SLC12A1: variants seen among roughly 807,000 people sequenced by gnomAD.
SLC12A1 encodes the protein solute carrier family 12 member 1, also known as Na-K-2Cl cotransporter.
Under a neutral mutation model 130.4 loss-of-function variants are expected in SLC12A1, and 89 were observed. The ratio of observed to expected loss-of-function variants is 0.68; its 90% CI spans 0.58 to 0.81. SLC12A1 has a LOEUF of 0.81. SLC12A1 is among the 40% of genes least tolerant of loss of function. The pLI is 0.00. For missense variants in SLC12A1, 1,310 were observed against 1,336.4 expected (o/e 0.98, Z 0.31); for synonymous variants, 499 against 460.0 (o/e 1.08, Z -1.09).
intron 17 of SLC12A1, among the ~76,000 whole-genome samples, chr15:48,266,676 C>G (rs1464277247): frequency 2.0e-5 from 3 of 152,110 alleles, no homozygotes; most frequent in African/African-American, 7.2e-5. Flanking sequence ...ACAAATCTCT[C>G]TATAAATTAA....
intron 13 of SLC12A1, among the ~76,000 whole-genome samples, chr15:48,248,769 A>T (rs1374190868): frequency 6.6e-6 from 1 of 152,220 alleles, no homozygotes; most frequent in Non-Finnish European, 1.5e-5. Flanking sequence ...GGGGCCAGGC[A>T]CGGTGGCTTA....
At chr15:48,250,186 C>A (rs34702556) in intron 14 of SLC12A1, among the ~76,000 whole-genome samples, 2,753 of 152,206 alleles carry the variant, frequency 0.018, 78 homozygotes, top group African/African-American at 0.064. Flanking sequence ...AAATTTCACA[C>A]CAAAGAACCT....
intron 1 of SLC12A1, among the ~76,000 whole-genome samples, chr15:48,207,119 G>A (rs3959657): frequency 0.99 from 151,279 of 152,326 alleles, 75,135 homozygotes; most frequent in Middle Eastern, 1. Context: ...TTTATATGTT[G>A]TATAGTATAT....
chr15:48,300,368 T>C (rs2042220170), intron 25 of SLC12A1, among the ~76,000 whole-genome samples: 1 of 151,750 alleles, frequency 6.6e-6, no homozygotes, highest in Non-Finnish European at 1.5e-5. Flanking sequence ...ATAAATGGGT[T>C]AATCAATTTA....
intron 17 of SLC12A1, among the ~76,000 whole-genome samples, chr15:48,264,360 A>T (rs897469321): frequency 9.2e-5 from 14 of 152,072 alleles, no homozygotes; most frequent in African/African-American, 2.9e-4. Context: ...AATAAATCTC[A>T]CAGAAGACAC....
chr15:48,238,738 A>G (rs1343722872), intron 9 of SLC12A1, among the ~76,000 whole-genome samples: 1 of 152,190 alleles, frequency 6.6e-6, no homozygotes. Context: ...TACACACTAT[A>G]GGATAGGAAA....
rs190866200 is a variant in SLC12A1, at chr15:48,236,789, C to T, written c.1215+1785C>T. 1.6e-3 allele frequency among the ~76,000 whole-genome samples: 246 copies of T among 152,232 alleles called. 1 individual carries two copies. The highest frequency in any genetic ancestry group is 4.4e-3 in the Admixed American group (68 of 15,292). On this transcript the variant is annotated intron_variant, in intron 9 of 26. Transcript: ENST00000380993. ...AGTATCACTGCTGAATGAAATTTAG[C>T]TGTGGATGTTGAACTTCTGGTTTGT... is the stretch of plus-strand genomic sequence containing the variant.
At chr15:48,264,960 C>A (rs918966349) in intron 17 of SLC12A1, among the ~76,000 whole-genome samples, 42 of 151,960 alleles carry the variant, frequency 2.8e-4, no homozygotes, top group African/African-American at 9.9e-4. Flanking sequence ...TGTTTGAATC[C>A]TGAATTAATT....
intron 2 of SLC12A1, chr15:48,218,058 C>T (rs1325809452): frequency 1.3e-5 from 2 of 152,448 alleles, no homozygotes; most frequent in Non-Finnish European, 2.9e-5. Context: ...AATCCTCCTG[C>T]CTCAGCCTTC....
chr15:48,271,097 G>A (rs754568514), intron 19 of SLC12A1, among the ~76,000 whole-genome samples: 4 of 151,634 alleles, frequency 2.6e-5, no homozygotes, highest in Admixed American at 6.6e-5. Context: ...GGTGGTGGGC[G>A]CCTACTTGGG....
chr15:48,272,058 A>G (rs1372924268), intron 19 of SLC12A1, among the ~76,000 whole-genome samples: 1 of 152,232 alleles, frequency 6.6e-6, no homozygotes, highest in Non-Finnish European at 1.5e-5. Flanking sequence ...CTAGAAATCC[A>G]AAGGGAGCAA....
chr15:48,303,084 C>A lies in SLC12A1; in HGVS notation c.*199C>A. 2.6e-6 allele frequency: 1 copy of A among 389,738 alleles called. No homozygotes were observed. The allele number at this position is 389,738 out of a possible 1,614,324, so 24.1% of individuals were successfully genotyped here. On this transcript the variant is annotated 3_prime_UTR_variant, in exon 27 of 27. Coordinates refer to ENST00000380993, the MANE Select transcript of SLC12A1 (RefSeq NM_000338.3). ...TTCTCAGCTTAAGGGGTTGTCAAAGCCAATGTTATCCCTAGAAAAACATTT... is the reference window on the plus strand; with the variant it reads ...TTCTCAGCTTAAGGGGTTGTCAAAGACAATGTTATCCCTAGAAAAACATTT...
chr15:48,299,212 G>T lies in SLC12A1; in HGVS notation c.3033G>T (p.Glu1011Asp). Residue 1011 changes from glutamate to aspartate, a missense_variant, in exon 25 of 27, where the codon GAG becomes GAT. By Grantham distance (45) the Glu-to-Asp change is conservative. Coordinates refer to ENST00000380993, the MANE Select transcript of SLC12A1 (RefSeq NM_000338.3). ...GCTGCAAAGATTTAACAACTGCTGA[G>T]AAATTAAAAAGAGAAACTCCGTGGA... ...HESCKDLTTA[E>D]KLKRETPWKI... The T allele has an allele frequency of 6.2e-7, 1 of 1,608,982 alleles. No homozygotes were observed. Among genetic ancestry groups the T allele is most frequent in the Non-Finnish European group, 8.5e-7 (1 of 1,178,386 alleles).
intron 25 of SLC12A1, among the ~76,000 whole-genome samples, chr15:48,300,363 T>C (rs1469464334): frequency 6.6e-6 from 1 of 150,608 alleles, no homozygotes; most frequent in Non-Finnish European, 1.5e-5. Context: ...TTAGGATAAA[T>C]GGGTTAATCA....
chr15:48,288,252 G>C lies in SLC12A1; in HGVS notation c.2761+78G>C. The C allele has an allele frequency of 1.0e-5, 14 of 1,367,540 alleles. No homozygotes were observed. The South Asian group carries it at 1.8e-4, about 18-fold the overall frequency. 84.7% of individuals were successfully genotyped at this position (1,367,540 alleles called of 1,614,324 possible). The stretch of plus-strand genomic sequence containing the variant: ...TTAAACTGCATGAGAAGGTATATGG[G>C]AACAATACTGGTTAAAGAATAACAT... On this transcript the variant is annotated intron_variant, in intron 22 of 26. Coordinates refer to ENST00000380993, the MANE Select transcript of SLC12A1 (RefSeq NM_000338.3).
chr15:48,268,641 G>A (rs997206793), intron 18 of SLC12A1, among the ~76,000 whole-genome samples: 12 of 152,112 alleles, frequency 7.9e-5, no homozygotes, highest in Middle Eastern at 3.2e-3. Flanking sequence ...GTAGATGCAC[G>A]TACAGAGAAA....
chr15:48,235,853 C>T (rs1032740255), intron 9 of SLC12A1, among the ~76,000 whole-genome samples: 14 of 152,066 alleles, frequency 9.2e-5, no homozygotes, highest in African/African-American at 3.4e-4. Context: ...AGGTCACATT[C>T]CAGTCCATGG....
intron 16 of SLC12A1, among the ~76,000 whole-genome samples, chr15:48,256,713 C>T (rs2141072034): frequency 6.6e-6 from 1 of 152,050 alleles, no homozygotes; most frequent in South Asian, 2.1e-4. Flanking sequence ...CCCCATGATT[C>T]AATTACCTCC....
intron 17 of SLC12A1, 129 bp downstream of exon 17, chr15:48,259,440 ACCTT>A: frequency 2.9e-6 from 2 of 701,584 alleles, no homozygotes; most frequent in Non-Finnish European, 5.2e-6. Context: ...AGAGCCCTCT[ACCTT>A]GATTCATAGA....
Sources: allele counts gnomAD v4.1 joint callset (sites outside exome capture counted in the v4.1 genomes callset), GRCh38; gene constraint gnomAD v4.1.1; transcripts MANE v1.5; gene names NCBI Gene and HGNC (gene_info 2026-07-23, HGNC 2026-07-21).